NT5DC3: variants seen among roughly 807,000 people sequenced by gnomAD.
NT5DC3 encodes 5'-nucleotidase domain-containing protein 3.
A neutral mutation model predicts 67.8 loss-of-function variants in NT5DC3; 42 were observed. The ratio of observed to expected loss-of-function variants is 0.62; its 90% CI spans 0.48 to 0.80. NT5DC3 has a LOEUF of 0.80. Among genes scored for constraint, NT5DC3 ranks in the 30% least tolerant of loss-of-function variants. The probability of loss-of-function intolerance (pLI) is 0.00; values close to 1 mark genes in which losing one functional copy is unlikely to be tolerated. For synonymous variants in NT5DC3, 237 were observed against 255.6 expected (o/e 0.93, Z 0.69); for missense variants, 570 against 696.4 (o/e 0.82, Z 2.04).
intron 2 of NT5DC3, among the ~76,000 whole-genome samples, chr12:103,810,326 G>A (rs1886979081): frequency 6.6e-6 from 1 of 152,092 alleles, no homozygotes; most frequent in Non-Finnish European, 1.5e-5. Context: ...CACACACACA[G>A]CATCAGTAGA....
At chr12:103,781,504 C>T (rs1413537086) in intron 12 of NT5DC3, among the ~76,000 whole-genome samples, 1 of 152,242 alleles carries the variant, frequency 6.6e-6, no homozygotes, top group East Asian at 1.9e-4. Context: ...GCCCTGCTGG[C>T]TGCCCTGCCA....
At chr12:103,823,503 T>A (rs1048311895) in intron 1 of NT5DC3, among the ~76,000 whole-genome samples, 1 of 152,136 alleles carries the variant, frequency 6.6e-6, no homozygotes, top group African/African-American at 2.4e-5. Flanking sequence ...AAACAGAGCA[T>A]TTTTTTGGTT....
Position 103,841,136 on chromosome 12 carries a change from C to A in NT5DC3, c.21G>T (p.Ala7=). ...TCGCCCCGGCCCCGCGTGCCACCAC[C>A]GCCGCCGCTGCCATGGTCATGCCTG... MTMAAA[A]VVARGAGARA... is the part of the protein sequence containing the mutation. Residue 7 remains alanine, a synonymous_variant, in exon 1 of 14, where the codon GCG becomes GCT. Transcript: ENST00000392876. 1 of 845,534 alleles carries A rather than the reference C, an allele frequency of 1.2e-6. No individual in the cohort carries two copies. Among genetic ancestry groups the A allele is most frequent in the Non-Finnish European group, 1.6e-6 (1 of 613,044 alleles). 52.4% of individuals were successfully genotyped at this position (845,534 alleles called of 1,614,324 possible). A position where few individuals can be genotyped will look rare whatever the true frequency, so the allele number is the denominator to read the frequency against.
At chr12:103,747,557 AC>A in the NT5DC3 span, among the ~76,000 whole-genome samples, 1 of 107,202 alleles carries the variant, frequency 9.3e-6, no homozygotes, top group African/African-American at 3.4e-5. Context: ...AAGAATGCAA[AC>A]TAGGAATTGT....
chr12:103,835,084 A>G (rs1888089726), intron 1 of NT5DC3, among the ~76,000 whole-genome samples: 1 of 152,072 alleles, frequency 6.6e-6, no homozygotes, highest in East Asian at 1.9e-4. Context: ...CAGAATCCTC[A>G]TCCATGCAAC....
chr12:103,834,730 A>G (rs1888073080), intron 1 of NT5DC3, among the ~76,000 whole-genome samples: 1 of 152,170 alleles, frequency 6.6e-6, no homozygotes, highest in South Asian at 2.1e-4. Flanking sequence ...GACAAGAAGG[A>G]TGGGAGAGAA....
At chr12:103,746,488 C>T in the NT5DC3 span, 1 of 935,904 alleles carries the variant, frequency 1.1e-6, no homozygotes, top group Non-Finnish European at 1.7e-6. Flanking sequence ...TGTACAGGGG[C>T]ACTTATGAAC....
the NT5DC3 span, chr12:103,757,825 G>C: frequency 7.5e-6 from 2 of 268,302 alleles, no homozygotes; most frequent in African/African-American, 4.3e-5. Flanking sequence ...TGGGCCTCGT[G>C]AGCTGTTATG....
At chr12:103,833,932 C>G (rs1166012585) in intron 1 of NT5DC3, among the ~76,000 whole-genome samples, 1 of 152,136 alleles carries the variant, frequency 6.6e-6, no homozygotes, top group Admixed American at 6.5e-5. Flanking sequence ...CCAGCCCTTT[C>G]AATTATGATC....
At chr12:103,833,413 A>C (rs1261282274) in intron 1 of NT5DC3, among the ~76,000 whole-genome samples, 1 of 152,192 alleles carries the variant, frequency 6.6e-6, no homozygotes, top group Non-Finnish European at 1.5e-5. Context: ...TGAGGAACTT[A>C]TGCTTACTAT....
At chr12:103,802,046 C>G (rs562388976) in intron 4 of NT5DC3, 2 of 152,326 alleles carry the variant, frequency 1.3e-5, no homozygotes, top group African/African-American at 4.8e-5. Context: ...GTGAGTGACT[C>G]GAGTCCACAC....
rs566000791 is a variant in NT5DC3, at chr12:103,824,910, T to C, written c.209-9789A>G. Among the ~76,000 whole-genome samples, 35 of 152,276 alleles carry C rather than the reference T, an allele frequency of 2.3e-4. No individual in the cohort carries two copies. The East Asian group carries it at 5.8e-3, about 25-fold the overall frequency. On this transcript the variant is annotated intron_variant, in intron 1 of 13. Coordinates refer to ENST00000392876, the MANE Select transcript of NT5DC3 (RefSeq NM_001031701.3). ...TTGGTTTTCTCATTTACTAGATCCA[T>C]AGGAAATCCTTTTCAATAAGCACTT... is the stretch of plus-strand genomic sequence containing the variant.
rs1301118170 is a variant in NT5DC3 at position 103,777,653 on chromosome 12, G to A, written c.*176C>T. 13 of 701,572 alleles carry A rather than the reference G, an allele frequency of 1.9e-5. No homozygotes were observed. The South Asian group carries it at 2.3e-4, about 12-fold the overall frequency. 43.5% of individuals were successfully genotyped at this position (701,572 alleles called of 1,614,324 possible). A position where few individuals can be genotyped will look rare whatever the true frequency, so the allele number is the denominator to read the frequency against. On this transcript the variant is annotated 3_prime_UTR_variant, in exon 14 of 14. Coordinates refer to ENST00000392876, the MANE Select transcript of NT5DC3 (RefSeq NM_001031701.3). ...CTGCATGGGGGGAAAGGCTGGAGGG[G>A]TGGGCTGCTAGCTCCTGTCTTAACC...
At chr12:103,798,775 G>A in intron 4 of NT5DC3, 98 bp from the exon 5 acceptor site, 1 of 830,842 alleles carries the variant, frequency 1.2e-6, no homozygotes. Context: ...TGAGGTGCAA[G>A]GCACTGTCAT....
chr12:103,824,521 T>TCA (rs1887613167), intron 1 of NT5DC3, among the ~76,000 whole-genome samples: 1 of 152,236 alleles, frequency 6.6e-6, no homozygotes, highest in African/African-American at 2.4e-5. Context: ...AACACCTGAC[T>TCA]CACGCTGGGC....
chr12:103,749,033 G>T, the NT5DC3 span: 1 of 1,614,132 alleles, frequency 6.2e-7, no homozygotes, highest in Non-Finnish European at 8.5e-7. Flanking sequence ...AGGGCACGAA[G>T]GTCTCCTGCA....
intron 7 of NT5DC3, 86 bp from the exon 8 acceptor site, chr12:103,793,598 G>C (rs1566106362): frequency 5.4e-6 from 5 of 933,248 alleles, no homozygotes; most frequent in Non-Finnish European, 6.8e-6. Context: ...TTTGGGTCCA[G>C]CACTGTCCTA....
chr12:103,748,460 C>G, the NT5DC3 span, among the ~76,000 whole-genome samples: 3 of 152,128 alleles, frequency 2.0e-5, no homozygotes, highest in Admixed American at 6.5e-5. Flanking sequence ...AATCTTCAGC[C>G]AGGCCACATT....
intron 11 of NT5DC3, 34 bp downstream of exon 11, chr12:103,787,407 C>T: frequency 9.2e-7 from 1 of 1,089,174 alleles, no homozygotes; most frequent in Non-Finnish European, 1.3e-6. Flanking sequence ...ACTAACACAT[C>T]TGTCCCCCAA....
Sources: gnomAD v4.1 joint callset for allele counts (sites outside exome capture counted in the v4.1 genomes callset) on GRCh38, gnomAD v4.1.1 for gene constraint, MANE v1.5 for transcripts, NCBI Gene and HGNC (gene_info 2026-07-23, HGNC 2026-07-21) for gene names.